Variants in RBFOX1 observed in about 807,000 individuals in gnomAD.
The protein encoded by RBFOX1 is RNA binding protein fox-1 homolog 1.
Under a neutral mutation model 57.7 loss-of-function variants are expected in RBFOX1, and 8 were observed. The observed-to-expected ratio is 0.14, with a 90% CI of 0.08 to 0.25. RBFOX1 has a LOEUF of 0.25. Among genes scored for constraint, RBFOX1 ranks in the 10% least tolerant of loss-of-function variants. The probability of loss-of-function intolerance (pLI) is 1.00; values close to 1 mark genes in which losing one functional copy is unlikely to be tolerated. For synonymous variants in RBFOX1, 326 were observed against 222.4 expected, an observed-to-expected ratio of 1.47 and a Z score of -4.15; for missense variants, 611 against 548.5, an observed-to-expected ratio of 1.11 and a Z score of -1.14.
intron 3 of RBFOX1, among the ~76,000 whole-genome samples, chr16:6,981,042 C>CAAAAAAAAAAAAAAAA (rs36117809): frequency 2.6e-5 from 2 of 77,430 alleles, no homozygotes; most frequent in African/African-American, 1.6e-4. Context: ...GTCTCAGTCT[C>CAAAAAAAAAAAAAAAA]AAAAAAAAAA....
chr16:5,458,288 C>G (rs894900257), intron 1 of RBFOX1, among the ~76,000 whole-genome samples: 2 of 151,554 alleles, frequency 1.3e-5, no homozygotes, highest in Non-Finnish European at 2.9e-5. Flanking sequence ...TCTATGTCAT[C>G]GATGAATCAA....
chr16:6,590,005 G>C (rs1181398804), intron 2 of RBFOX1, among the ~76,000 whole-genome samples: 1 of 152,128 alleles, frequency 6.6e-6, no homozygotes, highest in Non-Finnish European at 1.5e-5. Flanking sequence ...GAAAGGCCAA[G>C]AAGTAGCTCT....
At chr16:6,144,850 C>T (rs187849285) in intron 1 of RBFOX1, among the ~76,000 whole-genome samples, 7 of 152,258 alleles carry the variant, frequency 4.6e-5, no homozygotes, top group Admixed American at 2.0e-4. Context: ...AACTGTGAAT[C>T]ATCCCTCTTA....
At chr16:6,604,686 A>G (rs1041124503) in intron 2 of RBFOX1, among the ~76,000 whole-genome samples, 2 of 152,226 alleles carry the variant, frequency 1.3e-5, no homozygotes, top group Non-Finnish European at 2.9e-5. Context: ...ACTTTTTATT[A>G]AGCATATACA....
chr16:5,981,996 G>A (rs1340177076), intron 4 of RBFOX1, among the ~76,000 whole-genome samples: 1 of 152,172 alleles, frequency 6.6e-6, no homozygotes, highest in Non-Finnish European at 1.5e-5. Flanking sequence ...TCTAAAGGGT[G>A]TTTCTGTTAT....
intron 2 of RBFOX1, among the ~76,000 whole-genome samples, chr16:6,360,074 C>A (rs549541218): frequency 6.6e-6 from 1 of 152,198 alleles, no homozygotes; most frequent in Admixed American, 6.5e-5. Context: ...TAACTCTGAG[C>A]AGCATTCAAT....
intron 1 of RBFOX1, among the ~76,000 whole-genome samples, chr16:6,222,536 G>T (rs903693809): frequency 2.4e-4 from 36 of 151,796 alleles, no homozygotes; most frequent in African/African-American, 8.5e-4. Context: ...AGCAACCATC[G>T]GCTTCTAGAT....
At position 5,314,113 on chromosome 16, in the gene RBFOX1, A is replaced by G. The variant is rs368183837; in HGVS notation, c.219+74008A>G. On this transcript the variant is annotated intron_variant, in intron 1 of 2. Transcript: ENST00000585867. Reference sequence around the variant, plus strand: ...TTTATCTCATGAGACCCTCTTGACAATCTGATGAGCTGGGTGCTGTATTAT... The same window carrying G: ...TTTATCTCATGAGACCCTCTTGACAGTCTGATGAGCTGGGTGCTGTATTAT... Among the ~76,000 whole-genome samples, 68 of 152,332 alleles carry G rather than the reference A, an allele frequency of 4.5e-4. No homozygotes were observed. The South Asian group carries it at 6.4e-3, about 14-fold the overall frequency.
At chr16:7,433,463 T>C (rs879307954) in intron 4 of RBFOX1, among the ~76,000 whole-genome samples, 20 of 152,210 alleles carry the variant, frequency 1.3e-4, no homozygotes, top group Non-Finnish European at 2.9e-5. Flanking sequence ...GTAGAGCAGA[T>C]ACAAAACAGT....
chr16:7,001,647 G>T (rs985357158), intron 3 of RBFOX1, among the ~76,000 whole-genome samples: 3 of 152,012 alleles, frequency 2.0e-5, no homozygotes, highest in African/African-American at 7.2e-5. Context: ...AGTAGAGACA[G>T]GGTTTCACCA....
At chr16:5,847,073 A>G (rs2056775391) in intron 3 of RBFOX1, among the ~76,000 whole-genome samples, 2 of 152,208 alleles carry the variant, frequency 1.3e-5, no homozygotes, top group Admixed American at 6.5e-5. Context: ...CTCTTGTAGC[A>G]GGGAATAGGG....
chr16:7,459,120 G>A (rs1476619560), intron 4 of RBFOX1, among the ~76,000 whole-genome samples: 1 of 152,230 alleles, frequency 6.6e-6, no homozygotes, highest in East Asian at 1.9e-4. Flanking sequence ...TGTAACAGTT[G>A]GGTGGGTGAG....
chr16:6,428,973 C>T (rs925331557), intron 2 of RBFOX1, among the ~76,000 whole-genome samples: 2 of 152,170 alleles, frequency 1.3e-5, no homozygotes, highest in African/African-American at 4.8e-5. Flanking sequence ...TATGGACCTG[C>T]GGCGTGCACA....
At chr16:6,065,737 T>A (rs1163797019) in intron 1 of RBFOX1, among the ~76,000 whole-genome samples, 1 of 152,184 alleles carries the variant, frequency 6.6e-6, no homozygotes, top group Non-Finnish European at 1.5e-5. Flanking sequence ...TTCCAGACAG[T>A]GTCTCTGTAT....
chr16:7,203,288 A>C (rs1254264942), intron 4 of RBFOX1, among the ~76,000 whole-genome samples: 1 of 152,214 alleles, frequency 6.6e-6, no homozygotes, highest in Non-Finnish European at 1.5e-5. Context: ...TAAGCCAGTC[A>C]CAAAAACACA....
In RBFOX1 at chr16:6,019,337, G is replaced by A. The variant is rs1156866174; in HGVS notation, c.-782G>A. 2 of 985,538 alleles carry A rather than the reference G, an allele frequency of 2.0e-6. No homozygotes were observed. The highest frequency in any genetic ancestry group is 2.4e-6 in the Non-Finnish European group (2 of 830,266). 61.0% of individuals were successfully genotyped at this position (985,538 alleles called of 1,614,324 possible). On this transcript the variant is annotated 5_prime_UTR_variant, in exon 1 of 16. Transcript: ENST00000550418. The surrounding 1 kb of genome is among the most constrained non-coding windows in gnomAD (Gnocchi z 4.2). ...TCCCCGTGCGAGCCGCGCTGCCGCC[G>A]CCTCCTCCAGCCAGAGTCGGTGGGA...
chr16:6,515,633 CAG>C (rs1433915475), intron 2 of RBFOX1, among the ~76,000 whole-genome samples: 1 of 152,182 alleles, frequency 6.6e-6, no homozygotes, highest in African/African-American at 2.4e-5. Flanking sequence ...TCTGTGCTTA[CAG>C]AGTCTTAAGT....
At chr16:7,245,514 G>T (rs7195406) in intron 4 of RBFOX1, among the ~76,000 whole-genome samples, 1 of 151,974 alleles carries the variant, frequency 6.6e-6, no homozygotes, top group Non-Finnish European at 1.5e-5. Flanking sequence ...GACCAACAGA[G>T]GCTATTATGA....
chr16:5,772,455 C>A (rs7187706), intron 3 of RBFOX1, among the ~76,000 whole-genome samples: 72,360 of 152,030 alleles, frequency 0.48, 18,328 homozygotes, highest in African/African-American at 0.64. Context: ...GGTACCTCTT[C>A]TGCACTCTTG....
Sources: gnomAD v4.1 joint callset for allele counts (sites outside exome capture counted in the v4.1 genomes callset) on GRCh38, gnomAD v4.1.1 for gene constraint, Gnocchi (gnomAD v3.1) non-coding constraint, MANE v1.5 for transcripts, NCBI Gene and HGNC (gene_info 2026-07-23, HGNC 2026-07-21) for gene names.